MYT1L: variants seen among roughly 807,000 people sequenced by gnomAD.
The protein encoded by MYT1L is myelin transcription factor 1 like, also known as myelin transcription factor 1-like protein.
MYT1L carries 12 observed loss-of-function variants against 126.7 expected under a neutral mutation model. The ratio of observed to expected loss-of-function variants is 0.09; its 90% CI spans 0.06 to 0.15. MYT1L has a LOEUF of 0.15. Among genes scored for constraint, MYT1L ranks in the 10% least tolerant of loss-of-function variants. MYT1L has a pLI of 1.00. For synonymous variants in MYT1L, 541 were observed against 604.2 expected (o/e 0.90, Z 1.53); for missense variants, 979 against 1,585.2 (o/e 0.62, Z 6.49).
chr2:2,174,321 C>T lies in MYT1L; in HGVS notation c.-420-1333G>A, dbSNP rs948522616. ...CTGATAACAATGGTGTGTTTTATGGCTTTTTCTCAACACCCACATAGTATA... is the reference window on the plus strand; with the variant it reads ...CTGATAACAATGGTGTGTTTTATGGTTTTTTCTCAACACCCACATAGTATA... On this transcript the variant is annotated intron_variant, in intron 2 of 24. Coordinates refer to ENST00000647738, the MANE Select transcript of MYT1L (RefSeq NM_001303052.2). 2.0e-5 allele frequency among the ~76,000 whole-genome samples: 3 copies of T among 152,144 alleles called. No homozygotes were observed. The East Asian group carries it at 5.8e-4, about 29-fold the overall frequency.
chr2:1,823,908 G>A lies in MYT1L; in HGVS notation c.3081-14741C>T, dbSNP rs548851839. Among the ~76,000 whole-genome samples the A allele has an allele frequency of 5.9e-5, 9 of 152,362 alleles. No homozygotes were observed. The East Asian group carries it at 1.2e-3, about 20-fold the overall frequency. On this transcript the variant is annotated intron_variant, in intron 21 of 24. Transcript: ENST00000647738. ...ACAGGAGCCAAACTTCAAGAGCTGA[G>A]TAGTCTCAGGTGTCCAGTGACCATT...
intron 3 of MYT1L, among the ~76,000 whole-genome samples, chr2:2,159,896 G>A (rs1316794224): frequency 6.6e-6 from 1 of 152,034 alleles, no homozygotes; most frequent in Admixed American, 6.5e-5. Context: ...CACTCAGCAG[G>A]CTGTGAGTGA....
intron 8 of MYT1L, among the ~76,000 whole-genome samples, chr2:1,967,894 CAA>C (rs2059496847): frequency 6.6e-6 from 1 of 152,170 alleles, no homozygotes; most frequent in African/African-American, 2.4e-5. Flanking sequence ...TCCACTTCCG[CAA>C]AGAGTCCTGC....
Position 1,911,648 on chromosome 2 carries a change from G to A in MYT1L, c.1709+372C>T, listed in dbSNP as rs183212904. ...TCCATAGAATTCCAAGGGCAGCCAA[G>A]CCAAGCTACACACTGTACAGGCGTG... On this transcript the variant is annotated intron_variant, in intron 12 of 24. Coordinates refer to ENST00000647738, the MANE Select transcript of MYT1L (RefSeq NM_001303052.2). Among the ~76,000 whole-genome samples the A allele has an allele frequency of 6.6e-3, 998 of 152,304 alleles. 2 individuals carry two copies. Among genetic ancestry groups the A allele is most frequent in the Non-Finnish European group, 0.011 (738 of 68,022 alleles).
In MYT1L at chr2:2,001,292, G is replaced by A. The variant is rs1460553095; in HGVS notation, c.-157-3945C>T. 2.2e-5 allele frequency among the ~76,000 whole-genome samples: 3 copies of A among 136,904 alleles called. No individual in the cohort carries two copies. In the Admixed American group the frequency reaches 2.2e-4, roughly 10 times the overall value. 89.8% of individuals were successfully genotyped at this position (136,904 alleles called of 152,430 possible). On this transcript the variant is annotated intron_variant, in intron 4 of 24. Coordinates refer to ENST00000647738, the MANE Select transcript of MYT1L (RefSeq NM_001303052.2). The stretch of plus-strand genomic sequence containing the variant: ...TCTCTTTCTTCTCCATGTTCTGGAA[G>A]GTTTTCTAAAATTTACCTTTGACTT...
chr2:2,213,887 T>A (rs1368170551), intron 2 of MYT1L, among the ~76,000 whole-genome samples: 2 of 152,156 alleles, frequency 1.3e-5, no homozygotes, highest in Non-Finnish European at 2.9e-5. Context: ...TCAATCAATC[T>A]AACCATTGCA....
chr2:2,038,406 C>T (rs1574732255), intron 4 of MYT1L, among the ~76,000 whole-genome samples: 1 of 152,088 alleles, frequency 6.6e-6, no homozygotes, highest in East Asian at 1.9e-4. Context: ...AACATCAAGC[C>T]AGGTGCTTGG....
At chr2:1,850,035 G>C (rs1010109985) in intron 19 of MYT1L, among the ~76,000 whole-genome samples, 9 of 150,714 alleles carry the variant, frequency 6.0e-5, no homozygotes, top group South Asian at 2.1e-4. Context: ...GGGTGGTGAG[G>C]GGGGGGCCAT....
In MYT1L at chr2:1,977,276, A is replaced by G. The variant is rs769041773; in HGVS notation, c.152+1889T>C. On this transcript the variant is annotated intron_variant, in intron 8 of 24. Coordinates refer to ENST00000647738, the MANE Select transcript of MYT1L (RefSeq NM_001303052.2). The stretch of plus-strand genomic sequence containing the variant: ...AGTTTCCGAAGGAAGAAAAAGCCCA[A>G]CTTGTTTTCAAATCAAACTCTAGGG... Among the ~76,000 whole-genome samples the G allele has an allele frequency of 7.3e-4, 111 of 152,318 alleles. 1 individual carries two copies. The highest frequency in any genetic ancestry group is 3.4e-3 in the Middle Eastern group (1 of 294).
In MYT1L at chr2:2,204,662, T is replaced by G. The variant is rs2093238644; in HGVS notation, c.-420-31674A>C. 2.0e-5 allele frequency among the ~76,000 whole-genome samples: 3 copies of G among 151,032 alleles called. No individual in the cohort carries two copies. The South Asian group carries it at 6.2e-4, about 31-fold the overall frequency. On this transcript the variant is annotated intron_variant, in intron 2 of 24. Coordinates refer to ENST00000647738, the MANE Select transcript of MYT1L (RefSeq NM_001303052.2). ...AATAGGAACACTTTTACACTGTTGG[T>G]GGGACTGTCAACTAGTTCAACCACT...
At chr2:2,139,539 T>C (rs1380824055) in intron 3 of MYT1L, among the ~76,000 whole-genome samples, 1 of 152,018 alleles carries the variant, frequency 6.6e-6, no homozygotes, top group Non-Finnish European at 1.5e-5. Context: ...CTCGGGAGGC[T>C]GAGGCAGGAG....
At chr2:2,127,249 C>G (rs892135462) in intron 3 of MYT1L, among the ~76,000 whole-genome samples, 1 of 152,106 alleles carries the variant, frequency 6.6e-6, no homozygotes, top group Non-Finnish European at 1.5e-5. Context: ...CAGCCTCCAC[C>G]CCATATGTGT....
At chr2:2,159,294 C>T (rs2087390746) in intron 3 of MYT1L, among the ~76,000 whole-genome samples, 1 of 152,142 alleles carries the variant, frequency 6.6e-6, no homozygotes, top group African/African-American at 2.4e-5. Flanking sequence ...GGTCAAGGGT[C>T]CAGTATTCAT....
intron 4 of MYT1L, among the ~76,000 whole-genome samples, chr2:1,998,257 C>T (rs2062040103): frequency 6.6e-6 from 1 of 152,166 alleles, no homozygotes; most frequent in African/African-American, 2.4e-5. Context: ...TTTTGAACCT[C>T]AACAGGTCAA....
At chr2:1,996,300 C>G (rs1017316710) in intron 5 of MYT1L, among the ~76,000 whole-genome samples, 1 of 151,612 alleles carries the variant, frequency 6.6e-6, no homozygotes, top group African/African-American at 2.4e-5. Context: ...GACAGGCCAC[C>G]TTTACCTACT....
intron 3 of MYT1L, among the ~76,000 whole-genome samples, chr2:2,157,461 AG>A (rs532978599): frequency 8.3e-4 from 126 of 152,284 alleles, no homozygotes; most frequent in Non-Finnish European, 1.3e-3. Flanking sequence ...GGAAAAGCAG[AG>A]GTGGGAGGGA....
intron 2 of MYT1L, among the ~76,000 whole-genome samples, chr2:2,227,663 C>CA (rs1245993256): frequency 6.6e-6 from 1 of 152,082 alleles, no homozygotes. Context: ...TCTGAATTAG[C>CA]AAAAAACTCT....
At chr2:2,154,769 C>T (rs969570480) in intron 3 of MYT1L, among the ~76,000 whole-genome samples, 2 of 152,112 alleles carry the variant, frequency 1.3e-5, no homozygotes, top group African/African-American at 4.8e-5. Flanking sequence ...GTACAACAAA[C>T]CCCTGTGACA....
intron 9 of MYT1L, among the ~76,000 whole-genome samples, chr2:1,939,953 T>C (rs1230373632): frequency 6.6e-6 from 1 of 152,228 alleles, no homozygotes; most frequent in East Asian, 1.9e-4. Flanking sequence ...AATGCATTTG[T>C]TTGCCTTAGA....
Sources: allele counts gnomAD v4.1 joint callset (sites outside exome capture counted in the v4.1 genomes callset), GRCh38; gene constraint gnomAD v4.1.1; transcripts MANE v1.5; gene names NCBI Gene and HGNC (gene_info 2026-07-23, HGNC 2026-07-21).